Variants in CTSZ observed in about 807,000 individuals in gnomAD.
CTSZ encodes carboxypeptidase LB.
CTSZ carries 39 observed loss-of-function variants against 32.4 expected under a neutral mutation model. That is an observed-to-expected ratio of 1.20 (90% CI 0.93 to 1.57). The LOEUF is 1.57. Ranked by LOEUF, CTSZ falls within the 40% of genes most tolerant of loss-of-function variation. The probability of loss-of-function intolerance (pLI) is 0.00; values close to 1 mark genes in which losing one functional copy is unlikely to be tolerated. For missense variants in CTSZ, 397 were observed against 419.6 expected, an observed-to-expected ratio of 0.95 and a Z score of 0.47; for synonymous variants, 168 against 170.1, an observed-to-expected ratio of 0.99 and a Z score of 0.10.
chr20:58,997,888 A>C, intron 3 of CTSZ, 135 bp from the exon 4 acceptor site: 2 of 720,752 alleles, frequency 2.8e-6, no homozygotes, highest in Non-Finnish European at 4.2e-6. Context: ...TCATCTTGCT[A>C]TTAGGTGCTG....
In CTSZ at chr20:58,997,674, C is replaced by T. The variant is rs11540881; in HGVS notation, c.567G>A (p.Arg189=). The T allele has an allele frequency of 7.9e-3, 12,785 of 1,609,850 alleles. 68 individuals are homozygous for T. The highest frequency in any genetic ancestry group is 9.3e-3 in the Non-Finnish European group (10,933 of 1,178,132). ...CHAIRNYTLW[R]VGDYGSLSGR... Reference sequence around the variant, plus strand: ...CAGAGAGGGAGCCGTAGTCTCCCACCCTCCAGAGGGTGTAGTTCCGGATGG... The same window carrying T: ...CAGAGAGGGAGCCGTAGTCTCCCACTCTCCAGAGGGTGTAGTTCCGGATGG... Residue 189 remains arginine, a synonymous_variant, in exon 4 of 6, where the codon AGG becomes AGA. Coordinates refer to ENST00000217131, the MANE Select transcript of CTSZ (RefSeq NM_001336.4).
intron 2 of CTSZ, among the ~76,000 whole-genome samples, chr20:59,003,380 C>T (rs2091897498): frequency 6.6e-6 from 1 of 152,242 alleles, no homozygotes; most frequent in Admixed American, 6.5e-5. Context: ...AATCCTTCAT[C>T]CCACCAGCCC....
intron 3 of CTSZ, 52 bp from the exon 4 acceptor site, chr20:58,997,805 T>G (rs2091868951): frequency 6.6e-7 from 1 of 1,505,910 alleles, no homozygotes; most frequent in Non-Finnish European, 8.9e-7. Context: ...ATCAACCCAC[T>G]GACAAAGAAG....
rs1044350298 is a variant in CTSZ at position 59,002,865 on chromosome 20, G to C, written c.308-1221C>G. The stretch of plus-strand genomic sequence containing the variant: ...GCTCCCTCCAGCTTTCCTTCTCCCC[G>C]CTCCCTTGTCAGCTATGCCCCCTCT... On this transcript the variant is annotated intron_variant, in intron 2 of 5. Transcript: ENST00000217131. This position sits in a 1 kb window ranked among gnomAD's most constrained non-coding sequence, Gnocchi z 4.1. 6.6e-6 allele frequency among the ~76,000 whole-genome samples: 1 copy of C among 151,448 alleles called. No individual in the cohort carries two copies. Among genetic ancestry groups the C allele is most frequent in the Admixed American group, 6.6e-5 (1 of 15,190 alleles).
At position 59,004,151 on chromosome 20, in the gene CTSZ, A is replaced by C. The variant is rs2091900289; in HGVS notation, c.307+2171T>G. On this transcript the variant is annotated intron_variant, in intron 2 of 5. Coordinates refer to ENST00000217131, the MANE Select transcript of CTSZ (RefSeq NM_001336.4). The surrounding 1 kb of genome is among the most constrained non-coding windows in gnomAD (Gnocchi z 5.6). ...GAAGGACAGCCAGGGAGGACTGGGG[A>C]AGAAATGGGCTGTCAGGTGACAGTA... Among the ~76,000 whole-genome samples, 1 of 152,104 alleles carries C rather than the reference A, an allele frequency of 6.6e-6. No individual in the cohort carries two copies. The highest frequency in any genetic ancestry group is 6.6e-5 in the Admixed American group (1 of 15,262).
At chr20:58,997,519 TCTCCTCACCCGCGGGAC>T in intron 4 of CTSZ, 67 bp downstream of exon 4, 3 of 1,348,726 alleles carry the variant, frequency 2.2e-6, no homozygotes, top group Non-Finnish European at 2.0e-6. Context: ...ACCGCGGATC[TCTCCTCACCCGCGGGAC>T]CTTTCCTCAC....
At chr20:58,996,614 C>G in intron 5 of CTSZ, 25 bp downstream of exon 5, 1 of 1,612,536 alleles carries the variant, frequency 6.2e-7, no homozygotes, top group Non-Finnish European at 8.5e-7. Context: ...CTAGGAATGA[C>G]CTTAAGAAAA....
chr20:58,998,953 C>T (rs73297231), intron 3 of CTSZ, among the ~76,000 whole-genome samples: 2,318 of 152,312 alleles, frequency 0.015, 59 homozygotes, highest in African/African-American at 0.053. Context: ...CCCAGTACTA[C>T]GGGAAAATGG....
In CTSZ at chr20:58,995,631, G is replaced by A. The variant is rs372596273; in HGVS notation, c.*18C>T. 3.9e-4 allele frequency: 627 copies of A among 1,607,928 alleles called. 5 individuals are homozygous for A. In the South Asian group the frequency reaches 4.9e-3, roughly 13 times the overall value. The stretch of plus-strand genomic sequence containing the variant: ...GTCACCATGCCTTTTCTTAAACTGC[G>A]CTTCTAGTGACATGGCCTTAAACGA... On this transcript the variant is annotated 3_prime_UTR_variant, in exon 6 of 6. Transcript: ENST00000217131.
Position 58,997,641 on chromosome 20 carries a change from C to T in CTSZ, c.600G>A (p.Glu200=), listed in dbSNP as rs774215868. 2.9e-5 allele frequency: 47 copies of T among 1,605,512 alleles called. No individual in the cohort carries two copies. The South Asian group carries it at 5.3e-4, about 18-fold the overall frequency. ...TTGCATAGATTTCTGCCATCATCTT[C>T]TCCCTCCCAGAGAGGGAGCCGTAGT... ...VGDYGSLSGR[E]KMMAEIYANG... Residue 200 remains glutamate (E), a synonymous_variant, in exon 4 of 6, where the codon GAG becomes GAA. Coordinates refer to ENST00000217131, the MANE Select transcript of CTSZ (RefSeq NM_001336.4).
At chr20:58,997,865 C>G (rs1824247029) in intron 3 of CTSZ, 112 bp from the exon 4 acceptor site, 5 of 951,222 alleles carry the variant, frequency 5.3e-6, no homozygotes, top group Admixed American at 3.0e-5. Context: ...CACTCAGCAG[C>G]TAAGAACGGA....
At chr20:59,001,343 A>G in intron 3 of CTSZ, 122 bp downstream of exon 3, 1 of 1,181,212 alleles carries the variant, frequency 8.5e-7, no homozygotes, top group Admixed American at 2.8e-5. Context: ...GCCCTCCCGC[A>G]GCTCCCCAGC....
rs778647228 is a variant in CTSZ at position 58,997,693 on chromosome 20, C to T, written c.548G>A (p.Arg183Gln). ...TCCCACCCTCCAGAGGGTGTAGTTC[C>T]GGATGGCGTGGCACTCTTTGAATTC... is the stretch of plus-strand genomic sequence containing the variant. ...CNEFKECHAIRNYTLWRVGDY... is the reference protein window; with the variant it reads ...CNEFKECHAIQNYTLWRVGDY... Residue 183 changes from arginine (R) to glutamine (Q), a missense_variant, in exon 4 of 6, where the codon CGG (arginine) becomes CAG (glutamine). By Grantham distance (43) the Arg-to-Gln change is conservative (BLOSUM62 1). Transcript: ENST00000217131. The T allele has an allele frequency of 3.9e-5, 63 of 1,607,932 alleles. No individual in the cohort carries two copies. Among genetic ancestry groups the T allele is most frequent in the Non-Finnish European group, 4.8e-5 (57 of 1,177,238 alleles).
chr20:59,000,024 G>C (rs548819494), intron 3 of CTSZ, among the ~76,000 whole-genome samples: 4 of 150,314 alleles, frequency 2.7e-5, no homozygotes, highest in Admixed American at 1.3e-4. Flanking sequence ...AGCCGAGATC[G>C]CGCCACTGCA....
Position 58,997,655 on chromosome 20 carries a change from G to A in CTSZ, c.586C>T (p.Leu196Phe). The change falls in exon 4 of 6, where the codon CTC becomes TTC. Residue 196 changes from leucine (L) to phenylalanine (F), a missense_variant. Physicochemically the swap from Leu to Phe is conservative, Grantham distance 22. Transcript: ENST00000217131. Reference protein sequence around the residue: ...TLWRVGDYGSLSGREKMMAEI... With the variant: ...TLWRVGDYGSFSGREKMMAEI... ...GCCATCATCTTCTCCCTCCCAGAGA[G>A]GGAGCCGTAGTCTCCCACCCTCCAG... The A allele has an allele frequency of 6.2e-7, 1 of 1,608,522 alleles. No individual in the cohort carries two copies. Among genetic ancestry groups the A allele is most frequent in the East Asian group, 2.2e-5 (1 of 44,650 alleles).
In CTSZ at chr20:58,997,592, C is replaced by T. The variant is rs1290318215; in HGVS notation, c.638+11G>A. ...CGCAAACCTCTCTTTGCCCGCGGGA[C>T]CTCTCCTCACCTGATGGGACCATTT... On this transcript the variant is annotated intron_variant, in intron 4 of 5. Transcript: ENST00000217131. 2 of 1,544,122 alleles carry T rather than the reference C, an allele frequency of 1.3e-6. No homozygotes were observed. Among genetic ancestry groups the T allele is most frequent in the African/African-American group, 1.4e-5 (1 of 72,314 alleles).
chr20:59,006,535 C>A, intron 1 of CTSZ, 50 bp from the exon 2 acceptor site: 1 of 1,562,524 alleles, frequency 6.4e-7, no homozygotes, highest in South Asian at 1.2e-5. Context: ...TCCCGGGGGC[C>A]GTGGGCCCAG....
rs201197341 is a variant in CTSZ at position 59,006,435 on chromosome 20, C to G, written c.194G>C (p.Ser65Thr). ...ACCATCCACATTGCGCCAGTCCCAG[C>G]TCTTGGGCAGATCCGCTGGGGACAG... ...EYLSPADLPK[S>T]WDWRNVDGVN... Residue 65 changes from serine to threonine, a missense_variant, in exon 2 of 6, where the codon AGC (serine) becomes ACC (threonine). By Grantham distance (58) the Ser-to-Thr change is moderately conservative. Coordinates refer to ENST00000217131, the MANE Select transcript of CTSZ (RefSeq NM_001336.4). 2 of 1,614,004 alleles carry G rather than the reference C, an allele frequency of 1.2e-6. No individual in the cohort carries two copies. The highest frequency in any genetic ancestry group is 2.2e-5 in the East Asian group (1 of 44,886).
chr20:59,003,708 G>A (rs534208476), intron 2 of CTSZ, among the ~76,000 whole-genome samples: 14 of 152,282 alleles, frequency 9.2e-5, no homozygotes, highest in African/African-American at 3.1e-4. Context: ...AGGGAGGGAG[G>A]GAGCCATGGG....
Sources: allele counts gnomAD v4.1 joint callset (sites outside exome capture counted in the v4.1 genomes callset), GRCh38; gene constraint gnomAD v4.1.1; non-coding constraint Gnocchi (gnomAD v3.1); transcripts MANE v1.5; gene names NCBI Gene and HGNC (gene_info 2026-07-23, HGNC 2026-07-21).